Variants in ANKS1B observed in about 807,000 individuals in gnomAD.
ANKS1B encodes ankyrin repeat and sterile alpha motif domain-containing protein 1B.
ANKS1B carries 36 observed loss-of-function variants against 148.3 expected under a neutral mutation model. The ratio of observed to expected loss-of-function variants is 0.24; its 90% CI spans 0.19 to 0.32. ANKS1B has a LOEUF of 0.32. Ranked by LOEUF, ANKS1B falls within the 10% of genes least tolerant of loss-of-function variation. The pLI, the probability that ANKS1B is intolerant of heterozygous loss-of-function variation, is 1.00. For synonymous variants in ANKS1B, 542 were observed against 560.8 expected (o/e 0.97, Z 0.47); for missense variants, 1,157 against 1,542.6 (o/e 0.75, Z 4.19).
Position 99,191,791 on chromosome 12 carries a change from A to G in ANKS1B, c.2420-37396T>C, listed in dbSNP as rs1003235299. Reference sequence around the variant, plus strand: ...AAACCACCGTGGCACGTGTATACCTATGTAACAAACCTGCATGTTCTCCAC... The same window carrying G: ...AAACCACCGTGGCACGTGTATACCTGTGTAACAAACCTGCATGTTCTCCAC... On this transcript the variant is annotated intron_variant, in intron 14 of 26. Transcript: ENST00000683438. 7.9e-5 allele frequency among the ~76,000 whole-genome samples: 12 copies of G among 152,122 alleles called. No homozygotes were observed. In the East Asian group the frequency reaches 2.1e-3, roughly 27 times the overall value.
chr12:98,751,329 A>G lies in ANKS1B; in HGVS notation c.3747+26T>C, dbSNP rs770856085. ...CTTTTCCTCCTGTTCAAGGTTTTTT[A>G]GAACATCTGTATCGTTTCTACTTAC... On this transcript the variant is annotated intron_variant, in intron 26 of 26. Coordinates refer to ENST00000683438, the MANE Select transcript of ANKS1B (RefSeq NM_001352186.2). This position sits in a 1 kb window ranked among gnomAD's most constrained non-coding sequence, Gnocchi z 4.3. 31 of 1,609,112 alleles carry G rather than the reference A, an allele frequency of 1.9e-5. No individual in the cohort carries two copies. The highest frequency in any genetic ancestry group is 2.5e-5 in the Non-Finnish European group (29 of 1,178,080).
At chr12:99,924,085 C>T (rs1369667661) in intron 1 of ANKS1B, among the ~76,000 whole-genome samples, 1 of 152,094 alleles carries the variant, frequency 6.6e-6, no homozygotes, top group South Asian at 2.1e-4. Context: ...TAGTCAAAGA[C>T]CTGATACTCA....
chr12:99,685,642 C>A (rs1427003520), intron 8 of ANKS1B, among the ~76,000 whole-genome samples: 1 of 152,132 alleles, frequency 6.6e-6, no homozygotes, highest in East Asian at 1.9e-4. Flanking sequence ...ATGTTTATAG[C>A]AGCACAACTG....
At chr12:99,812,061 G>A in intron 3 of ANKS1B, 94 bp downstream of exon 3, 2 of 1,438,944 alleles carry the variant, frequency 1.4e-6, no homozygotes, top group Non-Finnish European at 9.3e-7. Context: ...AAGGCCTTTG[G>A]GCAAGGTAAA....
chr12:99,454,645 T>A (rs1043258552), intron 10 of ANKS1B, among the ~76,000 whole-genome samples: 24 of 152,346 alleles, frequency 1.6e-4, no homozygotes, highest in Admixed American at 2.0e-4. Flanking sequence ...AGCATAATAA[T>A]TCACCAGAGG....
At position 99,746,861 on chromosome 12, in the gene ANKS1B, C is replaced by T. The variant is rs565396618; in HGVS notation, c.1128+26061G>A. Among the ~76,000 whole-genome samples the T allele has an allele frequency of 1.4e-3, 210 of 152,200 alleles. 1 individual carries two copies. Among genetic ancestry groups the T allele is most frequent in the Non-Finnish European group, 2.1e-3 (146 of 68,002 alleles). ...GTAACATGACTGCAAGAGTACTATA[C>T]ATAACACATTCAAGCAGTTTTTTAA... On this transcript the variant is annotated intron_variant, in intron 8 of 26. Coordinates refer to ENST00000683438, the MANE Select transcript of ANKS1B (RefSeq NM_001352186.2).
chr12:99,322,644 T>C (rs979533285), intron 12 of ANKS1B, among the ~76,000 whole-genome samples: 2 of 152,208 alleles, frequency 1.3e-5, no homozygotes, highest in African/African-American at 4.8e-5. Context: ...GAGAACCCTA[T>C]GATTCAGTTA....
At chr12:99,053,065 C>T (rs2153532075) in intron 17 of ANKS1B, 92 bp downstream of exon 17, 1 of 1,151,842 alleles carries the variant, frequency 8.7e-7, no homozygotes, top group East Asian at 2.7e-5. Flanking sequence ...CTATAAATCC[C>T]CATTGGATGT....
chr12:99,528,202 C>T (rs1320685928), intron 9 of ANKS1B, among the ~76,000 whole-genome samples: 1 of 151,998 alleles, frequency 6.6e-6, no homozygotes, highest in Non-Finnish European at 1.5e-5. Context: ...CCCTTCCTTA[C>T]ACCATATACA....
At chr12:99,480,417 T>C (rs2152931898) in intron 10 of ANKS1B, among the ~76,000 whole-genome samples, 1 of 152,030 alleles carries the variant, frequency 6.6e-6, no homozygotes, top group African/African-American at 2.4e-5. Context: ...AGTCAAAAAA[T>C]CTGGATTTTT....
At chr12:99,656,059 A>T (rs1450234489) in intron 8 of ANKS1B, among the ~76,000 whole-genome samples, 1 of 152,150 alleles carries the variant, frequency 6.6e-6, no homozygotes, top group Non-Finnish European at 1.5e-5. Flanking sequence ...AGGAAACTAA[A>T]TCTTTACCAC....
chr12:99,738,859 C>G (rs1451772783), intron 8 of ANKS1B, among the ~76,000 whole-genome samples: 1 of 152,104 alleles, frequency 6.6e-6, no homozygotes, highest in East Asian at 1.9e-4. Context: ...GAGGTGAAAG[C>G]AGACTGTGAA....
intron 1 of ANKS1B, among the ~76,000 whole-genome samples, chr12:99,934,353 T>G (rs2094702799): frequency 6.6e-6 from 1 of 152,108 alleles, no homozygotes; most frequent in South Asian, 2.1e-4. Flanking sequence ...GGTATTAATT[T>G]TTCTTTAAAT....
intron 17 of ANKS1B, chr12:98,893,627 G>A (rs2099757306): frequency 6.6e-6 from 1 of 152,198 alleles, no homozygotes; most frequent in Admixed American, 6.5e-5. Context: ...ATCCTTATAA[G>A]TGTCTAAGAA....
intron 11 of ANKS1B, among the ~76,000 whole-genome samples, chr12:99,428,689 A>G (rs2095308685): frequency 6.6e-6 from 1 of 152,190 alleles, no homozygotes; most frequent in African/African-American, 2.4e-5. Flanking sequence ...ATATACAAAT[A>G]TTCTCTAGCC....
intron 8 of ANKS1B, among the ~76,000 whole-genome samples, chr12:99,674,090 C>A (rs2098550736): frequency 1.3e-5 from 2 of 151,578 alleles, no homozygotes; most frequent in Admixed American, 1.3e-4. Flanking sequence ...GGAAATAAAA[C>A]TAATTATGAA....
chr12:99,520,345 C>T (rs1440230584), intron 9 of ANKS1B, among the ~76,000 whole-genome samples: 1 of 152,154 alleles, frequency 6.6e-6, no homozygotes, highest in Non-Finnish European at 1.5e-5. Context: ...ACCAGATATA[C>T]TATTCCTGGG....
At chr12:99,834,936 T>A (rs550977180) in intron 1 of ANKS1B, among the ~76,000 whole-genome samples, 64 of 152,298 alleles carry the variant, frequency 4.2e-4, no homozygotes, top group Non-Finnish European at 8.5e-4. Flanking sequence ...AAATAAACCT[T>A]ATTCTCAATC....
At chr12:99,531,961 C>T (rs537450906) in intron 9 of ANKS1B, among the ~76,000 whole-genome samples, 2 of 152,024 alleles carry the variant, frequency 1.3e-5, no homozygotes, top group South Asian at 4.2e-4. Context: ...TTAGTGATAT[C>T]GAGCATGTGT....
Sources: gnomAD v4.1 joint callset for allele counts (sites outside exome capture counted in the v4.1 genomes callset) on GRCh38, gnomAD v4.1.1 for gene constraint, Gnocchi (gnomAD v3.1) non-coding constraint, MANE v1.5 for transcripts, NCBI Gene and HGNC (gene_info 2026-07-23, HGNC 2026-07-21) for gene names.